The following OSBPL6 variants were observed in gnomAD, a reference collection of about 807,000 sequenced individuals.
The protein encoded by OSBPL6 is oxysterol binding protein like 6, also known as oxysterol-binding protein-related protein 6.
OSBPL6 carries 49 observed loss-of-function variants against 125.8 expected under a neutral mutation model. The observed-to-expected ratio is 0.39, with a 90% CI of 0.31 to 0.49. The LOEUF (loss-of-function observed/expected upper bound fraction) is 0.49, where lower values mean the gene tolerates loss of function less well. Among genes scored for constraint, OSBPL6 ranks in the 20% least tolerant of loss-of-function variants. The pLI is 0.88. For synonymous variants in OSBPL6, 394 were observed against 391.8 expected (o/e 1.01, Z -0.07); for missense variants, 986 against 1,135.4 (o/e 0.87, Z 1.89).
chr2:178,224,422 G>T (rs1435472894), intron 1 of OSBPL6, among the ~76,000 whole-genome samples: 1 of 152,140 alleles, frequency 6.6e-6, no homozygotes, highest in Admixed American at 6.6e-5. Flanking sequence ...TTCTGAAAAT[G>T]CAATGAAAAT....
intron 3 of OSBPL6, among the ~76,000 whole-genome samples, chr2:178,313,774 G>A (rs1401417867): frequency 6.6e-6 from 1 of 152,044 alleles, no homozygotes; most frequent in Admixed American, 6.6e-5. Context: ...AACCAACAGT[G>A]GCCTATTCAT....
At chr2:178,328,183 A>C in intron 4 of OSBPL6, 73 bp from the exon 5 acceptor site, 2 of 1,586,800 alleles carry the variant, frequency 1.3e-6, no homozygotes, top group Non-Finnish European at 1.7e-6. Flanking sequence ...AGCAACTTCT[A>C]CTTAAGAATC....
At chr2:178,196,280 G>T (rs1320715658) in intron 1 of OSBPL6, among the ~76,000 whole-genome samples, 1 of 151,994 alleles carries the variant, frequency 6.6e-6, no homozygotes, top group African/African-American at 2.4e-5. Context: ...TTATTCTTTT[G>T]CAGTAGGAGT....
chr2:178,261,635 A>G (rs2092066934), intron 1 of OSBPL6, among the ~76,000 whole-genome samples: 1 of 152,250 alleles, frequency 6.6e-6, no homozygotes, highest in Non-Finnish European at 1.5e-5. Flanking sequence ...GAAAGGACTC[A>G]GAAAGGTGAA....
At chr2:178,352,095 A>T (rs1198294161) in intron 12 of OSBPL6, among the ~76,000 whole-genome samples, 1 of 152,232 alleles carries the variant, frequency 6.6e-6, no homozygotes, top group Non-Finnish European at 1.5e-5. Context: ...AAAAACAATA[A>T]TAAAATTTAC....
chr2:178,252,880 G>A lies in OSBPL6; in HGVS notation c.-350-32047G>A, dbSNP rs557067493. Among the ~76,000 whole-genome samples, 6 of 152,174 alleles carry A rather than the reference G, an allele frequency of 3.9e-5. 1 individual carries two copies. The highest frequency in any genetic ancestry group is 2.1e-4 in the South Asian group (1 of 4,822). On this transcript the variant is annotated intron_variant, in intron 1 of 24. Coordinates refer to ENST00000190611, the MANE Select transcript of OSBPL6 (RefSeq NM_032523.4). ...AGTATGATCTTTTGGCAAGTAATAC[G>A]TTAGGGATCACTACATGTAGTCATG...
chr2:178,284,760 A>C (rs1684544925), intron 1 of OSBPL6, among the ~76,000 whole-genome samples, 167 bp from the exon 2 acceptor site: 1 of 152,228 alleles, frequency 6.6e-6, no homozygotes, highest in Non-Finnish European at 1.5e-5. Context: ...TTGAGGTTAC[A>C]TAAAACTGAA....
intron 1 of OSBPL6, among the ~76,000 whole-genome samples, chr2:178,233,959 G>A (rs2090944330): frequency 6.6e-6 from 1 of 152,036 alleles, no homozygotes; most frequent in Non-Finnish European, 1.5e-5. Flanking sequence ...TATTGAGACA[G>A]TAATAGTTCT....
At chr2:178,227,841 G>A (rs1009871117) in intron 1 of OSBPL6, among the ~76,000 whole-genome samples, 6 of 152,190 alleles carry the variant, frequency 3.9e-5, no homozygotes, top group African/African-American at 1.4e-4. Flanking sequence ...TGTTACCTCA[G>A]TAGGGGGAGG....
intron 1 of OSBPL6, among the ~76,000 whole-genome samples, chr2:178,209,439 CT>C (rs71850875): frequency 0.66 from 62,793 of 95,762 alleles, 20,313 homozygotes; most frequent in Admixed American, 0.74. Flanking sequence ...TTCTTTCTTT[CT>C]TTTTTTTTTT....
At chr2:178,352,814 TA>T (rs1370049360) in intron 12 of OSBPL6, among the ~76,000 whole-genome samples, 2 of 152,282 alleles carry the variant, frequency 1.3e-5, no homozygotes, top group African/African-American at 4.8e-5. Context: ...CCATGTAGCC[TA>T]ACTGGGAGAC....
In OSBPL6 at chr2:178,201,091, G is replaced by A. The variant is rs1425668490; in HGVS notation, c.-351+6417G>A. ...TTACAGGTGTGAGCCACTGTGCCTG[G>A]CCCAAATAAGTATTTTCTAAAACTG... is the stretch of plus-strand genomic sequence containing the variant. On this transcript the variant is annotated intron_variant, in intron 1 of 24. Transcript: ENST00000190611. Among the ~76,000 whole-genome samples the A allele has an allele frequency of 2.0e-5, 3 of 152,192 alleles. No individual in the cohort carries two copies. The East Asian group carries it at 5.8e-4, about 29-fold the overall frequency.
chr2:178,361,515 T>TA (rs757738805), intron 12 of OSBPL6, among the ~76,000 whole-genome samples, 167 bp from the exon 13 acceptor site: 5 of 152,238 alleles, frequency 3.3e-5, no homozygotes, highest in Non-Finnish European at 7.3e-5. Context: ...GTGTGGAGTA[T>TA]AGATATCCTG....
chr2:178,301,106 A>G (rs334614), intron 2 of OSBPL6, among the ~76,000 whole-genome samples: 49,160 of 151,666 alleles, frequency 0.32, 8,103 homozygotes, highest in South Asian at 0.36. Context: ...AGAGGGACAC[A>G]TAATATAAAA....
intron 3 of OSBPL6, among the ~76,000 whole-genome samples, chr2:178,323,286 A>G (rs971715337): frequency 4.6e-5 from 7 of 152,284 alleles, no homozygotes; most frequent in South Asian, 4.1e-4. Flanking sequence ...AATGTTTTAC[A>G]TGTGTTAACT....
intron 15 of OSBPL6, among the ~76,000 whole-genome samples, chr2:178,376,563 T>C (rs1371015470): frequency 6.6e-6 from 1 of 152,108 alleles, no homozygotes; most frequent in African/African-American, 2.4e-5. Flanking sequence ...CATTTTCCAC[T>C]GGGGAACCTG....
chr2:178,290,080 C>A (rs914186483), intron 2 of OSBPL6, among the ~76,000 whole-genome samples: 1 of 152,100 alleles, frequency 6.6e-6, no homozygotes, highest in Non-Finnish European at 1.5e-5. Context: ...ATTTTGTCAG[C>A]CAATAATCAT....
chr2:178,280,719 CAG>C (rs1684075973), intron 1 of OSBPL6, among the ~76,000 whole-genome samples: 1 of 152,164 alleles, frequency 6.6e-6, no homozygotes, highest in African/African-American at 2.4e-5. Context: ...CACACAGTGT[CAG>C]AGTTAACAAT....
At chr2:178,324,854 C>T (rs962381685) in intron 4 of OSBPL6, among the ~76,000 whole-genome samples, 7 of 152,166 alleles carry the variant, frequency 4.6e-5, no homozygotes, top group African/African-American at 1.7e-4. Context: ...TAGACTTGTC[C>T]AACTCCACAA....
Sources: gnomAD v4.1 joint callset for allele counts (sites outside exome capture counted in the v4.1 genomes callset) on GRCh38, gnomAD v4.1.1 for gene constraint, MANE v1.5 for transcripts, NCBI Gene and HGNC (gene_info 2026-07-23, HGNC 2026-07-21) for gene names.